MIS18BP1: variants seen among roughly 807,000 people sequenced by gnomAD.
MIS18BP1 encodes the protein mis18-binding protein 1.
Under a neutral mutation model 116.1 loss-of-function variants are expected in MIS18BP1, and 72 were observed. That is an observed-to-expected ratio of 0.62 (90% CI 0.51 to 0.75). The LOEUF (loss-of-function observed/expected upper bound fraction) is 0.75. Among genes scored for constraint, MIS18BP1 ranks in the 30% least tolerant of loss-of-function variants. The pLI is 0.00. For synonymous variants in MIS18BP1, 386 were observed against 427.0 expected (o/e 0.90, Z 1.18); for missense variants, 1,363 against 1,303.2 (o/e 1.05, Z -0.71).
intron 15 of MIS18BP1, among the ~76,000 whole-genome samples, chr14:45,205,468 G>A (rs1890489278): frequency 6.6e-6 from 1 of 151,996 alleles, no homozygotes; most frequent in Non-Finnish European, 1.5e-5. Context: ...ATCAGTTATT[G>A]CAATTAAAAT....
chr14:45,218,959 T>C lies in MIS18BP1; in HGVS notation c.2670-505A>G, dbSNP rs544316223. ...TCAGTATTTTAGATATATGCTCTCT[T>C]AATTAAGGAAAATGAAAATTGAAAT... On this transcript the variant is annotated intron_variant, in intron 11 of 16. Coordinates refer to ENST00000310806, the MANE Select transcript of MIS18BP1 (RefSeq NM_018353.5). 5.3e-5 allele frequency among the ~76,000 whole-genome samples: 8 copies of C among 150,096 alleles called. No homozygotes were observed. In the East Asian group the frequency reaches 1.4e-3, roughly 26 times the overall value.
At chr14:45,207,884 TCATAA>T (rs1295392195) in intron 14 of MIS18BP1, among the ~76,000 whole-genome samples, 1 of 152,126 alleles carries the variant, frequency 6.6e-6, no homozygotes, top group Non-Finnish European at 1.5e-5. Flanking sequence ...CAATATAGAT[TCATAA>T]CATAAGTGAA....
At chr14:45,231,768 GCC>G (rs1012030037) in intron 7 of MIS18BP1, among the ~76,000 whole-genome samples, 2 of 152,144 alleles carry the variant, frequency 1.3e-5, no homozygotes, top group Non-Finnish European at 2.9e-5. Context: ...AAAACTGCCA[GCC>G]CCCGTTACCA....
chr14:45,226,924 C>CTATG, intron 9 of MIS18BP1, 88 bp from the exon 10 acceptor site: 1 of 1,102,450 alleles, frequency 9.1e-7, no homozygotes, highest in Non-Finnish European at 1.2e-6. Flanking sequence ...ATCAAGCATA[C>CTATG]AAATTTCTAG....
At chr14:45,252,394 TA>T (rs1891900964) in intron 1 of MIS18BP1, among the ~76,000 whole-genome samples, 1 of 152,222 alleles carries the variant, frequency 6.6e-6, no homozygotes, top group South Asian at 2.1e-4. Context: ...TGCATTTGTT[TA>T]AAAAAATTTT....
intron 1 of MIS18BP1, among the ~76,000 whole-genome samples, chr14:45,248,907 C>G (rs1891794293): frequency 6.6e-6 from 1 of 151,918 alleles, no homozygotes; most frequent in Non-Finnish European, 1.5e-5. Flanking sequence ...TAGCCGTTCA[C>G]TTCATTTCTG....
intron 11 of MIS18BP1, among the ~76,000 whole-genome samples, chr14:45,222,513 C>T (rs997284871): frequency 3.3e-5 from 5 of 152,018 alleles, no homozygotes; most frequent in Non-Finnish European, 7.4e-5. Context: ...TGGTGGTATC[C>T]CAAGCTATAC....
rs1374619491 is a variant in MIS18BP1 at position 45,218,265 on chromosome 14, T to C, written c.2842+17A>G. On this transcript the variant is annotated intron_variant, in intron 12 of 16. Coordinates refer to ENST00000310806, the MANE Select transcript of MIS18BP1 (RefSeq NM_018353.5). ...ACACTGAGTACTAGGAAAAAAACTA[T>C]TTACTACGAAGGTTACCATTTTGGC... 4.4e-6 allele frequency: 7 copies of C among 1,608,850 alleles called. No individual in the cohort carries two copies. The highest frequency in any genetic ancestry group is 1.7e-4 in the Middle Eastern group (1 of 6,048).
chr14:45,205,995 G>T, intron 15 of MIS18BP1, 88 bp downstream of exon 15: 1 of 795,516 alleles, frequency 1.3e-6, no homozygotes. Context: ...CTCAGGGACA[G>T]GGACTGTTAC....
intron 10 of MIS18BP1, among the ~76,000 whole-genome samples, chr14:45,225,518 T>TA (rs1377120871): frequency 3.3e-5 from 5 of 152,112 alleles, no homozygotes; most frequent in Non-Finnish European, 7.4e-5. Context: ...ACTGAAACCT[T>TA]ACTAAGTATT....
rs1890642685 is a variant in MIS18BP1, at chr14:45,210,383, T to C, written c.3149A>G (p.Asn1050Ser). 1.2e-6 allele frequency: 2 copies of C among 1,612,978 alleles called. No individual in the cohort carries two copies. Among genetic ancestry groups the C allele is most frequent in the South Asian group, 2.2e-5 (2 of 90,972 alleles). The change falls in exon 14 of 17, where the codon AAT becomes AGT. Residue 1050 changes from asparagine to serine, a missense_variant. By Grantham distance (46) the Asn-to-Ser change is conservative (BLOSUM62 1). Transcript: ENST00000310806. ...HVSPGMLGSI[N>S]RNDCDKYVFR... ...TATCATATGCATGAATATTTACCTA[T>C]TTATAGAACCTAGCATGCCAGGACT... is the stretch of plus-strand genomic sequence containing the variant.
rs773366908 is a variant in MIS18BP1 at position 45,218,306 on chromosome 14, GCTT to G, written c.2815_2817del (p.Lys939del). 3 of 1,613,758 alleles carry G rather than the reference GCTT, an allele frequency of 1.9e-6. No homozygotes were observed. The highest frequency in any genetic ancestry group is 1.7e-5 in the Admixed American group (1 of 59,918). On this transcript the variant is annotated inframe_deletion, in exon 12 of 17. Coordinates refer to ENST00000310806, the MANE Select transcript of MIS18BP1 (RefSeq NM_018353.5). ...CCATTTTGGCCTTTGGAATTGGCTGGCTTCTTCTTAGTGACATGTTTCTGGGAT... is the reference window on the plus strand; with the variant it reads ...CCATTTTGGCCTTTGGAATTGGCTGGCTTCTTAGTGACATGTTTCTGGGAT...
At chr14:45,210,278 T>C in intron 14 of MIS18BP1, 102 bp downstream of exon 14, 7 of 1,188,214 alleles carry the variant, frequency 5.9e-6, no homozygotes, top group South Asian at 1.6e-5. Flanking sequence ...TTTTAAATAA[T>C]GCCTCTTCCC....
At chr14:45,206,201 C>A (rs1335193979) in intron 14 of MIS18BP1, 31 bp from the exon 15 acceptor site, 3 of 1,459,804 alleles carry the variant, frequency 2.1e-6, no homozygotes, top group Non-Finnish European at 2.8e-6. Context: ...TTTAAGTCAA[C>A]AATATTTTTA....
At chr14:45,227,563 AAAC>A in intron 9 of MIS18BP1, 97 bp downstream of exon 9, 1 of 1,066,434 alleles carries the variant, frequency 9.4e-7, no homozygotes, top group Non-Finnish European at 1.3e-6. Context: ...AAAAAAAAAA[AAAC>A]AGAACTCACG....
At chr14:45,240,397 ATTTCCT>A (rs1891543230) in intron 4 of MIS18BP1, among the ~76,000 whole-genome samples, 1 of 151,984 alleles carries the variant, frequency 6.6e-6, no homozygotes, top group Non-Finnish European at 1.5e-5. Context: ...ACCTGTAATC[ATTTCCT>A]TTTACTTTAG....
At chr14:45,230,342 A>G (rs1158313302) in intron 8 of MIS18BP1, among the ~76,000 whole-genome samples, 1 of 152,210 alleles carries the variant, frequency 6.6e-6, no homozygotes, top group Non-Finnish European at 1.5e-5. Flanking sequence ...TTATTAAAAA[A>G]GAGAGAGGAA....
intron 13 of MIS18BP1, among the ~76,000 whole-genome samples, chr14:45,213,685 C>T (rs750695267): frequency 7.9e-5 from 12 of 152,284 alleles, no homozygotes; most frequent in Non-Finnish European, 1.6e-4. Context: ...TACTATTATG[C>T]TTAGCCGTTA....
At position 45,224,629 on chromosome 14, in the gene MIS18BP1, G is replaced by A; in HGVS notation, c.1958C>T (p.Thr653Ile). The part of the protein sequence containing the change: ...INQKKAYILV[T>I]PLKSRKVIEQ... ...TATCACTTTTCTAGATTTAAGTGGT[G>A]TTACTAAAATATAAGCTTTCTTCTG... Residue 653 changes from threonine to isoleucine, a missense_variant, in exon 11 of 17, where the codon ACA (threonine) becomes ATA (isoleucine). Coordinates refer to ENST00000310806, the MANE Select transcript of MIS18BP1 (RefSeq NM_018353.5). The A allele has an allele frequency of 6.2e-7, 1 of 1,613,416 alleles. No individual in the cohort carries two copies.
Sources: allele counts gnomAD v4.1 joint callset (sites outside exome capture counted in the v4.1 genomes callset), GRCh38; gene constraint gnomAD v4.1.1; transcripts MANE v1.5; gene names NCBI Gene and HGNC (gene_info 2026-07-23, HGNC 2026-07-21).